The following NME7 variants were observed in gnomAD, a reference collection of about 807,000 sequenced individuals.
NME7 encodes the protein NME/NM23 family member 7.
In NME7, 41 loss-of-function variants were observed where a neutral mutation model predicts 49.1. The observed-to-expected ratio is 0.83, with a 90% CI of 0.65 to 1.08. The LOEUF (loss-of-function observed/expected upper bound fraction) is 1.08. Ranked by LOEUF, NME7 falls within the 50% of genes least tolerant of loss-of-function variation. The pLI, the probability that NME7 is intolerant of heterozygous loss-of-function variation, is 0.00. For missense variants in NME7, 423 were observed against 463.4 expected (o/e 0.91, Z 0.80); for synonymous variants, 139 against 150.6 (o/e 0.92, Z 0.56).
intron 10 of NME7, among the ~76,000 whole-genome samples, chr1:169,172,881 A>G (rs112885737): frequency 1.5e-3 from 226 of 152,312 alleles, no homozygotes; most frequent in African/African-American, 5.2e-3. Context: ...TGCAATTTAT[A>G]TAGTTGTTTT....
intron 11 of NME7, among the ~76,000 whole-genome samples, chr1:169,144,656 C>T (rs1437435049): frequency 6.6e-6 from 1 of 152,078 alleles, no homozygotes; most frequent in Non-Finnish European, 1.5e-5. Context: ...TCTTATTTAG[C>T]CGTAGTGCCT....
intron 11 of NME7, among the ~76,000 whole-genome samples, chr1:169,162,873 T>C (rs533786395): frequency 6.6e-6 from 1 of 152,194 alleles, no homozygotes; most frequent in East Asian, 1.9e-4. Flanking sequence ...CCTAAATGAA[T>C]GATTGACCTA....
rs1649004581 is a variant in NME7 at position 169,257,525 on chromosome 1, C to T, written c.755-19838G>A. On this transcript the variant is annotated intron_variant, in intron 7 of 11. Transcript: ENST00000367811. ...TGTAAATGCAGAAATCACCCGTCTT[C>T]TGCGTCGCTCACGCTGGGAGCTGTA... Among the ~76,000 whole-genome samples, 2 of 133,936 alleles carry T rather than the reference C, an allele frequency of 1.5e-5. 1 individual carries two copies. Among genetic ancestry groups the T allele is most frequent in the Admixed American group, 1.5e-4 (2 of 13,676 alleles). 87.9% of individuals were successfully genotyped at this position (133,936 alleles called of 152,430 possible). A position where few individuals can be genotyped will look rare whatever the true frequency, so the allele number is the denominator to read the frequency against.
chr1:169,342,913 GTA>G lies in NME7; in HGVS notation c.4-18415_4-18414del, dbSNP rs1291455901. 6.7e-3 allele frequency among the ~76,000 whole-genome samples: 402 copies of G among 59,788 alleles called. 65 individuals are homozygous for G. Among genetic ancestry groups the G allele is most frequent in the African/African-American group, 0.022 (369 of 17,000 alleles). The allele number at this position is 59,788 out of a possible 152,430, so 39.2% of individuals were successfully genotyped here. On this transcript the variant is annotated intron_variant, in intron 1 of 11. Transcript: ENST00000367811. Reference sequence around the variant, plus strand: ...ATATATACAAGTACATATATATAGTGTATATATATATATACAAGTACATATAT... The same window carrying G: ...ATATATACAAGTACATATATATAGTGTATATATATATACAAGTACATATAT...
intron 11 of NME7, among the ~76,000 whole-genome samples, chr1:169,142,454 TA>T (rs1193054016): frequency 6.6e-6 from 1 of 152,196 alleles, no homozygotes; most frequent in Non-Finnish European, 1.5e-5. Flanking sequence ...AATAAATTCT[TA>T]ACTGGTAATC....
chr1:169,361,259 T>A (rs982963712), intron 1 of NME7, among the ~76,000 whole-genome samples: 1 of 152,236 alleles, frequency 6.6e-6, no homozygotes, highest in African/African-American at 2.4e-5. Flanking sequence ...CCACTTACTA[T>A]TCCGTTCTCC....
intron 6 of NME7, among the ~76,000 whole-genome samples, chr1:169,295,913 T>A (rs985273995): frequency 1.2e-4 from 18 of 152,090 alleles, no homozygotes; most frequent in African/African-American, 3.9e-4. Context: ...GTTCACATAT[T>A]CTCCCTTCCC....
intron 6 of NME7, among the ~76,000 whole-genome samples, chr1:169,292,065 CA>C (rs1341113372): frequency 5.3e-5 from 8 of 151,994 alleles, no homozygotes; most frequent in Non-Finnish European, 1.0e-4. Context: ...ACATTTTCAA[CA>C]AAGGTGCAAA....
intron 1 of NME7, among the ~76,000 whole-genome samples, chr1:169,354,357 T>TA (rs1653300375): frequency 6.6e-6 from 1 of 151,928 alleles, no homozygotes; most frequent in Non-Finnish European, 1.5e-5. Flanking sequence ...CTCATGGAGA[T>TA]AGAGAGTAGA....
chr1:169,247,956 G>C (rs1558006047), intron 7 of NME7, among the ~76,000 whole-genome samples: 1 of 152,130 alleles, frequency 6.6e-6, no homozygotes, highest in Non-Finnish European at 1.5e-5. Flanking sequence ...ATGCGTGCAA[G>C]TGTCTTTAAT....
rs139560126 is a variant in NME7 at position 169,324,482 on chromosome 1, C to T, written c.22G>A (p.Val8Ile). 3.4e-5 allele frequency: 54 copies of T among 1,609,352 alleles called. No individual in the cohort carries two copies. Among genetic ancestry groups the T allele is most frequent in the Non-Finnish European group, 4.1e-5 (48 of 1,176,248 alleles). ...GGATCATACCACTCTGCAATGAAAA[C>T]GAATCTTTCACTATGATTCTGCAAA... MNHSERF[V>I]FIAEWYDPNA... The change falls in exon 2 of 12, where the codon GTT becomes ATT. Residue 8 changes from valine to isoleucine, a missense_variant. Coordinates refer to ENST00000367811, the MANE Select transcript of NME7 (RefSeq NM_013330.5).
At chr1:169,342,450 T>C (rs1261653996) in intron 1 of NME7, among the ~76,000 whole-genome samples, 2 of 148,502 alleles carry the variant, frequency 1.3e-5, no homozygotes, top group Non-Finnish European at 3.0e-5. Flanking sequence ...AGTGTGAACA[T>C]GGACTAATAC....
chr1:169,343,188 A>C (rs954280130), intron 1 of NME7, among the ~76,000 whole-genome samples: 2 of 151,248 alleles, frequency 1.3e-5, no homozygotes. Flanking sequence ...GCCTGACCCA[A>C]GGATACAGAG....
chr1:169,262,784 A>T (rs1459632288), intron 7 of NME7, among the ~76,000 whole-genome samples: 1 of 133,618 alleles, frequency 7.5e-6, no homozygotes, highest in Non-Finnish European at 1.8e-5. Context: ...CAATTCCCCA[A>T]CATACTTCTA....
Position 169,256,721 on chromosome 1 carries a change from G to A in NME7, c.755-19034C>T, listed in dbSNP as rs1253220556. On this transcript the variant is annotated intron_variant, in intron 7 of 11. Coordinates refer to ENST00000367811, the MANE Select transcript of NME7 (RefSeq NM_013330.5). The stretch of plus-strand genomic sequence containing the variant: ...TATCTACTTTTGGTCTTTGATGATG[G>A]TGATGTACAGATGGGTTTTTGGTGT... Among the ~76,000 whole-genome samples the A allele has an allele frequency of 2.4e-5, 3 of 123,882 alleles. No homozygotes were observed. In the East Asian group the frequency reaches 6.6e-4, roughly 27 times the overall value. 81.3% of individuals were successfully genotyped at this position (123,882 alleles called of 152,430 possible). A position where few individuals can be genotyped will look rare whatever the true frequency, so the allele number is the denominator to read the frequency against.
intron 6 of NME7, among the ~76,000 whole-genome samples, chr1:169,294,946 T>C (rs919269565): frequency 4.6e-5 from 7 of 152,094 alleles, no homozygotes; most frequent in Admixed American, 1.3e-4. Context: ...CATGAATAGA[T>C]TAATGCCCTC....
intron 1 of NME7, among the ~76,000 whole-genome samples, chr1:169,356,713 A>G (rs2101984941): frequency 6.6e-6 from 1 of 152,308 alleles, no homozygotes; most frequent in South Asian, 2.1e-4. Context: ...GCATCTGTGA[A>G]GCACTTAATT....
intron 10 of NME7, among the ~76,000 whole-genome samples, chr1:169,226,769 T>G (rs1310090197): frequency 6.6e-6 from 1 of 152,214 alleles, no homozygotes; most frequent in Non-Finnish European, 1.5e-5. Flanking sequence ...AAAACAGAAC[T>G]GAAACATTAT....
chr1:169,201,356 A>C (rs1364009212), intron 10 of NME7, among the ~76,000 whole-genome samples: 2 of 152,178 alleles, frequency 1.3e-5, no homozygotes, highest in African/African-American at 2.4e-5. Flanking sequence ...GCCACAGAAC[A>C]GTGTTAAGCA....
Sources: gnomAD v4.1 joint callset for allele counts (sites outside exome capture counted in the v4.1 genomes callset) on GRCh38, gnomAD v4.1.1 for gene constraint, MANE v1.5 for transcripts, NCBI Gene and HGNC (gene_info 2026-07-23, HGNC 2026-07-21) for gene names.